Variants in PRKN observed in about 807,000 individuals in gnomAD.
PRKN encodes parkin RBR E3 ubiquitin protein ligase, also known as E3 ubiquitin-protein ligase parkin.
A neutral mutation model predicts 59.5 loss-of-function variants in PRKN; 56 were observed. That is an observed-to-expected ratio of 0.94 (90% CI 0.76 to 1.18). The LOEUF is 1.18. PRKN is among the 50% of genes most tolerant of loss of function. The probability of loss-of-function intolerance (pLI) is 0.00; values close to 1 mark genes in which losing one functional copy is unlikely to be tolerated. For missense variants in PRKN, 657 were observed against 596.4 expected (o/e 1.10, Z -1.06); for synonymous variants, 250 against 222.1 (o/e 1.13, Z -1.12).
chr6:162,512,216 C>A (rs970104867), intron 1 of PRKN, among the ~76,000 whole-genome samples: 4 of 152,072 alleles, frequency 2.6e-5, no homozygotes, highest in African/African-American at 9.7e-5. Context: ...TGTGTCATTT[C>A]TTATTACAAC....
chr6:161,658,157 C>T (rs7757239), intron 7 of PRKN, among the ~76,000 whole-genome samples: 110,901 of 151,974 alleles, frequency 0.73, 41,196 homozygotes, highest in Non-Finnish European at 0.8. Context: ...ATAAGCTCCA[C>T]CAACAAAAAG....
At chr6:162,430,255 A>G (rs1394093011) in intron 2 of PRKN, among the ~76,000 whole-genome samples, 1 of 152,150 alleles carries the variant, frequency 6.6e-6, no homozygotes, top group Admixed American at 6.6e-5. Context: ...TCTTGTAAGT[A>G]TTTCTGTTTG....
chr6:162,504,331 G>A (rs184682481), intron 1 of PRKN, among the ~76,000 whole-genome samples: 2 of 152,286 alleles, frequency 1.3e-5, no homozygotes, highest in East Asian at 3.9e-4. Flanking sequence ...CCATGACCCT[G>A]GAAGACACAC....
intron 4 of PRKN, among the ~76,000 whole-genome samples, chr6:162,111,167 T>G (rs1289299291): frequency 1.3e-5 from 2 of 152,118 alleles, no homozygotes; most frequent in Non-Finnish European, 2.9e-5. Context: ...TGACTTTGCA[T>G]TTAAGAGATG....
At chr6:162,219,481 T>A (rs1583217114) in intron 3 of PRKN, among the ~76,000 whole-genome samples, 1 of 152,182 alleles carries the variant, frequency 6.6e-6, no homozygotes, top group African/African-American at 2.4e-5. Context: ...AGATACTATA[T>A]CTTGTTTCTG....
chr6:162,345,120 G>A (rs1426117097), intron 2 of PRKN, among the ~76,000 whole-genome samples: 1 of 152,196 alleles, frequency 6.6e-6, no homozygotes, highest in African/African-American at 2.4e-5. Context: ...CAGATGTGAA[G>A]AGGTGAAGAC....
chr6:162,413,391 G>C (rs1226737468), intron 2 of PRKN, among the ~76,000 whole-genome samples: 2 of 152,118 alleles, frequency 1.3e-5, no homozygotes, highest in African/African-American at 4.8e-5. Context: ...CAGGGGGAAA[G>C]AGACAAATGA....
intron 5 of PRKN, among the ~76,000 whole-genome samples, chr6:162,018,456 C>A (rs1244806384): frequency 6.6e-6 from 1 of 152,226 alleles, no homozygotes; most frequent in Middle Eastern, 3.4e-3. Context: ...ATGAGAGGAG[C>A]CATTTTTGAA....
chr6:162,623,836 T>TA (rs1454748868), intron 1 of PRKN, among the ~76,000 whole-genome samples: 1 of 152,056 alleles, frequency 6.6e-6, no homozygotes, highest in Non-Finnish European at 1.5e-5. Flanking sequence ...TACACATATA[T>TA]AAAAAAACTG....
chr6:162,098,023 G>A (rs1463546448), intron 4 of PRKN, among the ~76,000 whole-genome samples: 1 of 152,204 alleles, frequency 6.6e-6, no homozygotes, highest in African/African-American at 2.4e-5. Context: ...ACTCCCTGAG[G>A]ACAAGGCTCA....
chr6:162,652,155 G>A (rs1778468967), intron 1 of PRKN, among the ~76,000 whole-genome samples: 1 of 152,122 alleles, frequency 6.6e-6, no homozygotes, highest in Non-Finnish European at 1.5e-5. Flanking sequence ...TATCATCAAT[G>A]TCCACTGGTG....
chr6:162,312,201 C>T (rs1782546320), intron 2 of PRKN, among the ~76,000 whole-genome samples: 1 of 152,068 alleles, frequency 6.6e-6, no homozygotes, highest in South Asian at 2.1e-4. Flanking sequence ...AGAATTTTAC[C>T]TTTATCCCAC....
chr6:162,308,284 A>C (rs1782323316), intron 2 of PRKN, among the ~76,000 whole-genome samples: 1 of 152,208 alleles, frequency 6.6e-6, no homozygotes, highest in Admixed American at 6.5e-5. Context: ...CTGCTAAGAA[A>C]GAAAAGTCAA....
At chr6:162,316,102 G>T (rs1489405371) in intron 2 of PRKN, among the ~76,000 whole-genome samples, 1 of 151,964 alleles carries the variant, frequency 6.6e-6, no homozygotes, top group Non-Finnish European at 1.5e-5. Flanking sequence ...TTCCAAGGCT[G>T]GACAGTTCTG....
At chr6:162,051,294 C>T (rs1049088259) in intron 5 of PRKN, among the ~76,000 whole-genome samples, 7 of 152,130 alleles carry the variant, frequency 4.6e-5, no homozygotes, top group African/African-American at 1.7e-4. Flanking sequence ...TCTTCAGCCA[C>T]GCTCAGGCCT....
At chr6:161,437,692 G>T (rs1788990903) in intron 9 of PRKN, among the ~76,000 whole-genome samples, 1 of 152,072 alleles carries the variant, frequency 6.6e-6, no homozygotes, top group Non-Finnish European at 1.5e-5. Context: ...TCATAATTCT[G>T]ACATCGTATA....
intron 1 of PRKN, among the ~76,000 whole-genome samples, chr6:162,721,497 A>G (rs900097946): frequency 6.6e-6 from 1 of 152,078 alleles, no homozygotes; most frequent in Non-Finnish European, 1.5e-5. Flanking sequence ...CAGCCTCACC[A>G]GATACCTTTC....
chr6:162,532,410 G>A (rs924515585), intron 1 of PRKN, among the ~76,000 whole-genome samples: 1 of 152,210 alleles, frequency 6.6e-6, no homozygotes, highest in Non-Finnish European at 1.5e-5. Flanking sequence ...TGACAGGCAG[G>A]GGCTTGGTTT....
At chr6:161,633,390 T>C (rs1410912683) in intron 7 of PRKN, among the ~76,000 whole-genome samples, 1 of 152,238 alleles carries the variant, frequency 6.6e-6, no homozygotes, top group Non-Finnish European at 1.5e-5. Context: ...TCATACTATA[T>C]TCCCCTTAGC....
Sources: gnomAD v4.1 joint callset for allele counts (sites outside exome capture counted in the v4.1 genomes callset) on GRCh38, gnomAD v4.1.1 for gene constraint, MANE v1.5 for transcripts, NCBI Gene and HGNC (gene_info 2026-07-23, HGNC 2026-07-21) for gene names.